The following CLPB variants were observed in gnomAD, a reference collection of about 807,000 sequenced individuals.
The protein encoded by CLPB is mitochondrial disaggregase.
Under a neutral mutation model 78.4 loss-of-function variants are expected in CLPB, and 40 were observed. The ratio of observed to expected loss-of-function variants is 0.51; its 90% CI spans 0.40 to 0.66. The LOEUF (loss-of-function observed/expected upper bound fraction) is 0.66. Among genes scored for constraint, CLPB ranks in the 30% least tolerant of loss-of-function variants. CLPB has a pLI of 0.00. For missense variants in CLPB, 780 were observed against 886.9 expected (o/e 0.88, Z 1.53); for synonymous variants, 333 against 348.0 (o/e 0.96, Z 0.48).
chr11:72,294,889 A>C (rs1001911416), intron 12 of CLPB, among the ~76,000 whole-genome samples, 196 bp from the exon 13 acceptor site: 6 of 152,056 alleles, frequency 3.9e-5, no homozygotes, highest in African/African-American at 1.4e-4. Context: ...TCCAGCTCTC[A>C]AGTGTATGAA....
intron 5 of CLPB, among the ~76,000 whole-genome samples, chr11:72,348,378 C>T (rs1950552837): frequency 6.6e-6 from 1 of 152,154 alleles, no homozygotes; most frequent in Admixed American, 6.5e-5. Flanking sequence ...CTGTCTCTTC[C>T]CCAAGATCCT....
intron 1 of CLPB, among the ~76,000 whole-genome samples, chr11:72,431,742 GA>G (rs1856551078): frequency 6.6e-6 from 1 of 152,186 alleles, no homozygotes; most frequent in East Asian, 1.9e-4. Flanking sequence ...CAAGGTTACA[GA>G]GTGAGGAATG....
At position 72,292,285 on chromosome 11, in the gene CLPB, TG is replaced by T; in HGVS notation, c.*1081del. On this transcript the variant is annotated 3_prime_UTR_variant, in exon 16 of 16. Coordinates refer to ENST00000538039, the MANE Select transcript of CLPB (RefSeq NM_001258392.3). ...TCCATGAAGGGCCTGTGGGGGAAGGTGGGTGGACTGCTTATCAGCAGTGGCT... is the reference window on the plus strand; with the variant it reads ...TCCATGAAGGGCCTGTGGGGGAAGGTGGTGGACTGCTTATCAGCAGTGGCT... The T allele has an allele frequency of 6.6e-6, 1 of 151,994 alleles. No homozygotes were observed. Among genetic ancestry groups the T allele is most frequent in the Non-Finnish European group, 1.5e-5 (1 of 68,030 alleles). The allele number at this position is 151,994 out of a possible 1,614,324, so 9.4% of individuals were successfully genotyped here. A position where few individuals can be genotyped will look rare whatever the true frequency, so the allele number is the denominator to read the frequency against.
At chr11:72,309,188 G>A (rs1472287333) in intron 7 of CLPB, among the ~76,000 whole-genome samples, 1 of 152,190 alleles carries the variant, frequency 6.6e-6, no homozygotes, top group Non-Finnish European at 1.5e-5. Context: ...GAAGGGGTAA[G>A]CCACATGGTT....
intron 4 of CLPB, among the ~76,000 whole-genome samples, chr11:72,361,131 C>T (rs966387844): frequency 3.3e-5 from 5 of 152,208 alleles, no homozygotes; most frequent in African/African-American, 1.2e-4. Context: ...TGGATGGAAG[C>T]ATTTCAAATG....
intron 2 of CLPB, among the ~76,000 whole-genome samples, chr11:72,405,726 A>G (rs1855688752): frequency 6.6e-6 from 1 of 152,150 alleles, no homozygotes; most frequent in Non-Finnish European, 1.5e-5. Context: ...CAGGAGATCG[A>G]GACCATCCTG....
intron 5 of CLPB, chr11:72,355,021 A>T (rs1036786581): frequency 1.3e-5 from 2 of 152,200 alleles, no homozygotes; most frequent in African/African-American, 4.8e-5. Flanking sequence ...AGTTTGCCTG[A>T]TCTGTCTTAG....
At chr11:72,321,740 G>GA (rs1021478417) in intron 6 of CLPB, among the ~76,000 whole-genome samples, 6 of 152,186 alleles carry the variant, frequency 3.9e-5, no homozygotes, top group African/African-American at 1.4e-4. Flanking sequence ...TATGGAGGGG[G>GA]AAGAGAAGAG....
chr11:72,305,316 A>C (rs1949726691), intron 9 of CLPB, among the ~76,000 whole-genome samples: 1 of 152,250 alleles, frequency 6.6e-6, no homozygotes, highest in Admixed American at 6.5e-5. Context: ...CTAATTTAGC[A>C]TCCATGCTAT....
At chr11:72,338,000 C>G (rs1950352362) in intron 5 of CLPB, among the ~76,000 whole-genome samples, 1 of 152,180 alleles carries the variant, frequency 6.6e-6, no homozygotes, top group South Asian at 2.1e-4. Context: ...TGATATGATC[C>G]CTTGCCTTCA....
chr11:72,403,028 G>T lies in CLPB; in HGVS notation c.480C>A (p.Val160=). The T allele has an allele frequency of 6.2e-7, 1 of 1,613,462 alleles. No homozygotes were observed. Among genetic ancestry groups the T allele is most frequent in the South Asian group, 1.1e-5 (1 of 91,038 alleles). Residue 160 remains valine, a synonymous_variant, in exon 3 of 16, where the codon GTC becomes GTA. Transcript: ENST00000538039. ...TCCAGCCAAGTCTGTGCTTTGCATT[G>T]ACATCTGCACCTTCTGACAACAGCC... The part of the protein sequence containing the change: ...VSRLLSEGAD[V]NAKHRLGWTA...
At chr11:72,419,763 G>A (rs577985066) in intron 2 of CLPB, among the ~76,000 whole-genome samples, 78 of 152,226 alleles carry the variant, frequency 5.1e-4, no homozygotes, top group Non-Finnish European at 9.7e-4. Context: ...CTCTGACCAG[G>A]GGAAATCTGG....
chr11:72,374,106 T>C (rs1951096234), intron 4 of CLPB, among the ~76,000 whole-genome samples: 1 of 152,064 alleles, frequency 6.6e-6, no homozygotes, highest in African/African-American at 2.4e-5. Flanking sequence ...ACAGAATCCA[T>C]GATGGGCAGA....
At chr11:72,305,093 A>G (rs987315640) in intron 9 of CLPB, among the ~76,000 whole-genome samples, 2 of 152,244 alleles carry the variant, frequency 1.3e-5, no homozygotes, top group Non-Finnish European at 2.9e-5. Flanking sequence ...GGTTGTTTTT[A>G]TGGAGCTTCT....
At chr11:72,301,572 G>A (rs1353715991) in intron 11 of CLPB, among the ~76,000 whole-genome samples, 1 of 152,218 alleles carries the variant, frequency 6.6e-6, no homozygotes, top group African/African-American at 2.4e-5. Flanking sequence ...AAGGTGGGCT[G>A]AGCAGCCACA....
chr11:72,365,196 G>A (rs1004343527), intron 4 of CLPB, among the ~76,000 whole-genome samples: 1 of 152,166 alleles, frequency 6.6e-6, no homozygotes, highest in African/African-American at 2.4e-5. Context: ...GGTGGCACAT[G>A]CTTGTGGTCC....
At chr11:72,407,537 C>T (rs928115669) in intron 2 of CLPB, among the ~76,000 whole-genome samples, 7 of 152,114 alleles carry the variant, frequency 4.6e-5, no homozygotes, top group African/African-American at 1.7e-4. Context: ...TCTAAACCTG[C>T]TATCATAGAA....
At chr11:72,365,128 T>C (rs1368338223) in intron 4 of CLPB, among the ~76,000 whole-genome samples, 1 of 152,178 alleles carries the variant, frequency 6.6e-6, no homozygotes, top group African/African-American at 2.4e-5. Context: ...GAGACCAGCC[T>C]GGCTAACATA....
intron 4 of CLPB, among the ~76,000 whole-genome samples, chr11:72,378,791 G>A (rs1004112273): frequency 6.6e-6 from 1 of 152,116 alleles, no homozygotes; most frequent in East Asian, 1.9e-4. Context: ...GGCTCAGTGG[G>A]GAATACAAGG....
Sources: allele counts gnomAD v4.1 joint callset (sites outside exome capture counted in the v4.1 genomes callset), GRCh38; gene constraint gnomAD v4.1.1; transcripts MANE v1.5; gene names NCBI Gene and HGNC (gene_info 2026-07-23, HGNC 2026-07-21).